Variants in LRRTM4 observed in about 807,000 individuals in gnomAD.
LRRTM4 encodes leucine rich repeat transmembrane neuronal 4, also known as leucine-rich repeat transmembrane neuronal protein 4.
In LRRTM4, 25 loss-of-function variants were observed where a neutral mutation model predicts 47.6. The ratio of observed to expected loss-of-function variants is 0.53; its 90% CI spans 0.38 to 0.73. The LOEUF (loss-of-function observed/expected upper bound fraction) is 0.73. Among genes scored for constraint, LRRTM4 ranks in the 30% least tolerant of loss-of-function variants. The pLI, the probability that LRRTM4 is intolerant of heterozygous loss-of-function variation, is 0.00. For missense variants in LRRTM4, 638 were observed against 713.4 expected (o/e 0.89, Z 1.20); for synonymous variants, 311 against 269.5 (o/e 1.15, Z -1.51).
In LRRTM4 at chr2:76,963,766, A is replaced by G. The variant is rs971445044; in HGVS notation, c.1552-214850T>C. The stretch of plus-strand genomic sequence containing the variant: ...TGACATATTGTTTATAATAGTGAAA[A>G]ATATAAACAATGTAAATATCTAATA... On this transcript the variant is annotated intron_variant, in intron 3 of 3. Coordinates refer to ENST00000409884, the MANE Select transcript of LRRTM4 (RefSeq NM_001134745.3). Among the ~76,000 whole-genome samples the G allele has an allele frequency of 2.6e-5, 4 of 150,964 alleles. 1 individual carries two copies. The highest frequency in any genetic ancestry group is 9.7e-5 in the African/African-American group (4 of 41,434).
At chr2:76,797,395 C>A (rs1675398126) in intron 3 of LRRTM4, among the ~76,000 whole-genome samples, 1 of 151,992 alleles carries the variant, frequency 6.6e-6, no homozygotes, top group Admixed American at 6.5e-5. Flanking sequence ...AAATGAAATA[C>A]TTTACAGACA....
chr2:76,832,599 C>G (rs940715662), intron 3 of LRRTM4, among the ~76,000 whole-genome samples: 6 of 151,340 alleles, frequency 4.0e-5, no homozygotes, highest in African/African-American at 9.7e-5. Context: ...CAACACATAT[C>G]CAGTTTATTA....
At chr2:77,422,511 G>A (rs531528195) in intron 3 of LRRTM4, among the ~76,000 whole-genome samples, 5 of 152,248 alleles carry the variant, frequency 3.3e-5, no homozygotes, top group East Asian at 1.9e-4. Flanking sequence ...GAAGTAATAC[G>A]AGGCAATGTG....
chr2:76,843,833 A>C (rs966093974), intron 3 of LRRTM4, among the ~76,000 whole-genome samples: 2 of 152,090 alleles, frequency 1.3e-5, no homozygotes, highest in Admixed American at 6.6e-5. Context: ...GAAAAGTAAA[A>C]ACAACATCAA....
At chr2:77,448,026 TG>T (rs1372005260) in intron 3 of LRRTM4, among the ~76,000 whole-genome samples, 2 of 152,112 alleles carry the variant, frequency 1.3e-5, no homozygotes, top group Non-Finnish European at 2.9e-5. Context: ...GAGTGAACCA[TG>T]GGGACAAAAA....
intron 3 of LRRTM4, among the ~76,000 whole-genome samples, chr2:76,849,232 G>A (rs1671923134): frequency 6.6e-6 from 1 of 152,074 alleles, no homozygotes; most frequent in South Asian, 2.1e-4. Context: ...GCCAAGGAAG[G>A]GCAATCATCT....
chr2:77,342,186 G>A (rs1264428034), intron 3 of LRRTM4, among the ~76,000 whole-genome samples: 1 of 151,940 alleles, frequency 6.6e-6, no homozygotes, highest in Admixed American at 6.6e-5. Context: ...CTTTCCTGGA[G>A]CATCATGAAT....
rs189324731 is a variant in LRRTM4, at chr2:77,390,145, C to A, written c.1551+128173G>T. Among the ~76,000 whole-genome samples, 14 of 152,120 alleles carry A rather than the reference C, an allele frequency of 9.2e-5. No individual in the cohort carries two copies. In the East Asian group the frequency reaches 2.7e-3, roughly 29 times the overall value. On this transcript the variant is annotated intron_variant, in intron 3 of 3. Transcript: ENST00000409884. Reference sequence around the variant, plus strand: ...TACTTTCATATTAACACTGCTCAGACCCCAGGAAACACTTTTCAACATTTG... The same window carrying A: ...TACTTTCATATTAACACTGCTCAGAACCCAGGAAACACTTTTCAACATTTG...
chr2:77,438,726 T>C (rs1428751531), intron 3 of LRRTM4, among the ~76,000 whole-genome samples: 1 of 152,120 alleles, frequency 6.6e-6, no homozygotes, highest in South Asian at 2.1e-4. Context: ...ATTTTAAAAA[T>C]GTAAATTAAA....
At chr2:77,292,854 A>AATG (rs1676866476) in intron 3 of LRRTM4, among the ~76,000 whole-genome samples, 1 of 149,926 alleles carries the variant, frequency 6.7e-6, no homozygotes, top group South Asian at 2.1e-4. Flanking sequence ...TAATAATAAT[A>AATG]AAATTAAAAA....
intron 3 of LRRTM4, among the ~76,000 whole-genome samples, chr2:77,056,234 A>G (rs1679603778): frequency 1.4e-5 from 2 of 144,876 alleles, no homozygotes; most frequent in Admixed American, 6.9e-5. Context: ...ATATGAAAAA[A>G]TAAGGCAGTT....
At chr2:77,436,619 A>G (rs1675609647) in intron 3 of LRRTM4, among the ~76,000 whole-genome samples, 1 of 151,914 alleles carries the variant, frequency 6.6e-6, no homozygotes, top group Non-Finnish European at 1.5e-5. Context: ...TAGATTCTAG[A>G]AAGCTTTAGA....
chr2:77,487,465 C>G (rs933593292), intron 3 of LRRTM4, among the ~76,000 whole-genome samples: 7 of 152,196 alleles, frequency 4.6e-5, no homozygotes, highest in Admixed American at 2.0e-4. Flanking sequence ...ACCTCAGCCC[C>G]CTCTGGACTT....
chr2:76,748,619 G>T lies in LRRTM4; in HGVS notation c.*76C>A. The T allele has an allele frequency of 8.6e-7, 1 of 1,164,504 alleles. No individual in the cohort carries two copies. Among genetic ancestry groups the T allele is most frequent in the Non-Finnish European group, 1.3e-6 (1 of 795,628 alleles). The allele number at this position is 1,164,504 out of a possible 1,614,324, so 72.1% of individuals were successfully genotyped here. On this transcript the variant is annotated 3_prime_UTR_variant, in exon 4 of 4. Coordinates refer to ENST00000409884, the MANE Select transcript of LRRTM4 (RefSeq NM_001134745.3). ...TGAGCTTGCTCGATTGCGCGATTGT[G>T]GACACCCATTCTCCTTTAAGATGAA... is the stretch of plus-strand genomic sequence containing the variant.
At chr2:77,207,255 A>G (rs900026193) in intron 3 of LRRTM4, among the ~76,000 whole-genome samples, 16 of 146,696 alleles carry the variant, frequency 1.1e-4, no homozygotes, top group Admixed American at 2.7e-4. Flanking sequence ...ATTTATACAC[A>G]TATATGAAGT....
At chr2:77,468,914 G>T (rs1677083868) in intron 3 of LRRTM4, among the ~76,000 whole-genome samples, 1 of 152,322 alleles carries the variant, frequency 6.6e-6, no homozygotes, top group African/African-American at 2.4e-5. Context: ...GACCCATTCT[G>T]AGAACTGAAT....
chr2:76,879,412 T>A (rs1175921331), intron 3 of LRRTM4, among the ~76,000 whole-genome samples: 4 of 152,178 alleles, frequency 2.6e-5, no homozygotes, highest in Admixed American at 2.6e-4. Flanking sequence ...CTCTGCCTAT[T>A]CTCTGTAAAT....
At chr2:77,480,434 A>T (rs1677630490) in intron 3 of LRRTM4, among the ~76,000 whole-genome samples, 1 of 152,174 alleles carries the variant, frequency 6.6e-6, no homozygotes, top group Non-Finnish European at 1.5e-5. Flanking sequence ...TGTGTTAGCA[A>T]TGCAAAGAGA....
intron 3 of LRRTM4, among the ~76,000 whole-genome samples, chr2:77,166,883 G>T (rs1394631043): frequency 6.6e-6 from 1 of 152,072 alleles, no homozygotes; most frequent in Non-Finnish European, 1.5e-5. Flanking sequence ...TACCATTCAG[G>T]ACATAGGCAT....
Sources: gnomAD v4.1 joint callset for allele counts (sites outside exome capture counted in the v4.1 genomes callset) on GRCh38, gnomAD v4.1.1 for gene constraint, MANE v1.5 for transcripts, NCBI Gene and HGNC (gene_info 2026-07-23, HGNC 2026-07-21) for gene names.